Variants in GRK3 observed in about 807,000 individuals in gnomAD.
The protein encoded by GRK3 is adrenergic, beta, receptor kinase 2.
A neutral mutation model predicts 95.7 loss-of-function variants in GRK3; 54 were observed. That is an observed-to-expected ratio of 0.56 (90% CI 0.45 to 0.71). The LOEUF (loss-of-function observed/expected upper bound fraction) is 0.71. Ranked by LOEUF, GRK3 falls within the 30% of genes least tolerant of loss-of-function variation. The pLI, the probability that GRK3 is intolerant of heterozygous loss-of-function variation, is 0.00. For synonymous variants in GRK3, 281 were observed against 290.8 expected (o/e 0.97, Z 0.34); for missense variants, 649 against 851.2 (o/e 0.76, Z 2.96).
intron 10 of GRK3, 93 bp downstream of exon 10, chr22:25,685,341 G>A (rs2146430968): frequency 1.1e-6 from 1 of 930,454 alleles, no homozygotes; most frequent in Non-Finnish European, 1.8e-6. Flanking sequence ...TGGCAATGTG[G>A]GTCTTTCAGG....
At chr22:25,644,473 T>TTA in intron 2 of GRK3, 119 bp from the exon 3 acceptor site, 2 of 406,192 alleles carry the variant, frequency 4.9e-6, no homozygotes, top group Non-Finnish European at 8.8e-6. Context: ...ATCTTTTTTT[T>TTA]AAAAAAAAAA....
intron 1 of GRK3, among the ~76,000 whole-genome samples, chr22:25,586,060 T>C (rs9612994): frequency 0.17 from 17,113 of 102,314 alleles, 734 homozygotes; most frequent in Middle Eastern, 0.29. Flanking sequence ...CATAACAGAT[T>C]CTTAGCAAAT....
At position 25,606,040 on chromosome 22, in the gene GRK3, C is replaced by CG. The variant is rs2084443637; in HGVS notation, c.190+1587_190+1588insG. On this transcript the variant is annotated intron_variant, in intron 2 of 20. Coordinates refer to ENST00000324198, the MANE Select transcript of GRK3 (RefSeq NM_005160.4). ...CCCCGCAAACATACATACAGCCCCC[C>CG]AAACATGTATTTTCCATAGCCTGGA... Among the ~76,000 whole-genome samples, 9 of 126,860 alleles carry CG rather than the reference C, an allele frequency of 7.1e-5. No individual in the cohort carries two copies. The South Asian group carries it at 2.2e-3, about 31-fold the overall frequency. The allele number at this position is 126,860 out of a possible 152,430, so 83.2% of individuals were successfully genotyped here.
chr22:25,654,508 G>A (rs1009214168), intron 3 of GRK3, among the ~76,000 whole-genome samples: 2 of 152,110 alleles, frequency 1.3e-5, no homozygotes, highest in African/African-American at 2.4e-5. Context: ...ATGTAAAAAC[G>A]TAAGCTAAAT....
chr22:25,572,244 A>G (rs1252196572), intron 1 of GRK3, among the ~76,000 whole-genome samples: 1 of 152,044 alleles, frequency 6.6e-6, no homozygotes, highest in Non-Finnish European at 1.5e-5. Context: ...GATTTTCTTA[A>G]TCCATTCTAT....
chr22:25,637,371 A>T (rs575345117), intron 2 of GRK3, among the ~76,000 whole-genome samples: 5 of 152,282 alleles, frequency 3.3e-5, no homozygotes, highest in South Asian at 2.1e-4. Context: ...TTACTTGCTT[A>T]TATGTTTCTC....
rs1055283954 is a variant in GRK3 at position 25,709,782 on chromosome 22, A to G, written c.1329-116A>G. On this transcript the variant is annotated intron_variant, in intron 15 of 20. Transcript: ENST00000324198. ...AGGAAGCATATTTGTTTGCTTTCTT[A>G]AAGGAAAAAGTGGAAATACTTGCTC... 5 of 729,968 alleles carry G rather than the reference A, an allele frequency of 6.8e-6. No homozygotes were observed. The Admixed American group carries it at 1.2e-4, about 17-fold the overall frequency. 45.2% of individuals were successfully genotyped at this position (729,968 alleles called of 1,614,324 possible). A position where few individuals can be genotyped will look rare whatever the true frequency, so the allele number is the denominator to read the frequency against.
intron 3 of GRK3, among the ~76,000 whole-genome samples, chr22:25,653,880 G>T (rs756190650): frequency 9.2e-5 from 14 of 152,118 alleles, no homozygotes; most frequent in Non-Finnish European, 1.9e-4. Context: ...GTAGAGACGG[G>T]GTTTCACCAT....
At position 25,626,369 on chromosome 22, in the gene GRK3, G is replaced by A. The variant is rs148090581; in HGVS notation, c.191-18223G>A. Among the ~76,000 whole-genome samples the A allele has an allele frequency of 1.8e-3, 277 of 152,354 alleles. 2 individuals carry two copies. Among genetic ancestry groups the A allele is most frequent in the African/African-American group, 6.3e-3 (261 of 41,580 alleles). On this transcript the variant is annotated intron_variant, in intron 2 of 20. Transcript: ENST00000324198. ...TGGAAATAGAGGGATCCTTTGGGCA[G>A]CTGTTTTGAGTAGGGATCAGGGAAT...
At chr22:25,640,193 A>G (rs1195686571) in intron 2 of GRK3, among the ~76,000 whole-genome samples, 1 of 152,206 alleles carries the variant, frequency 6.6e-6, no homozygotes, top group African/African-American at 2.4e-5. Flanking sequence ...AATGTTGAAG[A>G]GGAGTGAGAT....
intron 2 of GRK3, among the ~76,000 whole-genome samples, chr22:25,642,399 C>T (rs1261964921): frequency 6.6e-6 from 1 of 152,170 alleles, no homozygotes; most frequent in African/African-American, 2.4e-5. Context: ...CGCCATTGCA[C>T]TCCAGCCTGG....
intron 13 of GRK3, among the ~76,000 whole-genome samples, chr22:25,700,957 C>A (rs563193423): frequency 9.9e-5 from 15 of 152,250 alleles, no homozygotes; most frequent in African/African-American, 3.6e-4. Flanking sequence ...CCATTGTTTG[C>A]CCATGAAAAT....
At position 25,721,034 on chromosome 22, in the gene GRK3, T is replaced by C. The variant is rs78294019; in HGVS notation, c.1792-250T>C. The stretch of plus-strand genomic sequence containing the variant: ...TCATCATTCAAAATCAGTTCTGTGT[T>C]GAGGGAACAGCTTTGCCGTTTTTCC... On this transcript the variant is annotated intron_variant, in intron 19 of 20. Transcript: ENST00000324198. 5.0e-3 allele frequency among the ~76,000 whole-genome samples: 756 copies of C among 152,338 alleles called. 23 individuals carry two copies. The East Asian group carries it at 0.064, about 13-fold the overall frequency.
rs2085490556 is a variant in GRK3, at chr22:25,728,310, CT to C, written c.*5861del. 6.6e-6 allele frequency: 1 copy of C among 152,250 alleles called. No individual in the cohort carries two copies. The highest frequency in any genetic ancestry group is 2.4e-5 in the African/African-American group (1 of 41,460). The allele number at this position is 152,250 out of a possible 1,614,324, so 9.4% of individuals were successfully genotyped here. Reference sequence around the variant, plus strand: ...GCTGTGAAATACTGCTTTCATCTACCTCTTCAGAAGGCTTCTTGCTTGTTGA... The same window carrying C: ...GCTGTGAAATACTGCTTTCATCTACCCTTCAGAAGGCTTCTTGCTTGTTGA... On this transcript the variant is annotated 3_prime_UTR_variant, in exon 21 of 21. Coordinates refer to ENST00000324198, the MANE Select transcript of GRK3 (RefSeq NM_005160.4).
At chr22:25,624,467 A>G (rs116990860) in intron 2 of GRK3, among the ~76,000 whole-genome samples, 3,397 of 152,186 alleles carry the variant, frequency 0.022, 59 homozygotes, top group Middle Eastern at 0.068. Context: ...GGGAGGCTGA[A>G]TCAGGAGAAT....
At position 25,709,978 on chromosome 22, in the gene GRK3, C is replaced by T. The variant is rs756140473; in HGVS notation, c.1395+14C>T. On this transcript the variant is annotated intron_variant, in intron 16 of 20. Transcript: ENST00000324198. Reference sequence around the variant, plus strand: ...TACTTACAAAAGGTACTCACTCCCTCTTGACTCTACTTACGGTACTGCCGC... The same window carrying T: ...TACTTACAAAAGGTACTCACTCCCTTTTGACTCTACTTACGGTACTGCCGC... 38 of 1,590,936 alleles carry T rather than the reference C, an allele frequency of 2.4e-5. No homozygotes were observed. Among genetic ancestry groups the T allele is most frequent in the Non-Finnish European group, 6.9e-6 (8 of 1,158,978 alleles).
chr22:25,690,404 A>G (rs1419427469), intron 12 of GRK3, 121 bp downstream of exon 12: 2 of 703,200 alleles, frequency 2.8e-6, no homozygotes, highest in South Asian at 1.8e-5. Context: ...AAGATCCAAC[A>G]TCACAGGTCG....
chr22:25,589,697 C>T (rs185793787), intron 1 of GRK3, among the ~76,000 whole-genome samples: 73 of 152,242 alleles, frequency 4.8e-4, no homozygotes, highest in Middle Eastern at 3.4e-3. Flanking sequence ...AGCCATCACT[C>T]GGCTTTCTCA....
rs1480506696 is a variant in GRK3 at position 25,678,844 on chromosome 22, A to G, written c.676A>G (p.Arg226Gly). ...MYAMKCLDKK[R>G]IKMKQGETLA... Reference sequence around the variant, plus strand: ...TGCAATGAAATGCTTAGATAAGAAGAGGATCAAAATGAAACAAGGAGAAAC... The same window carrying G: ...TGCAATGAAATGCTTAGATAAGAAGGGGATCAAAATGAAACAAGGAGAAAC... The change falls in exon 9 of 21, where the codon AGG (arginine) becomes GGG (glycine). Residue 226 changes from arginine to glycine, a missense_variant. By Grantham distance (125) the Arg-to-Gly change is moderately radical. Coordinates refer to ENST00000324198, the MANE Select transcript of GRK3 (RefSeq NM_005160.4). 6.2e-7 allele frequency: 1 copy of G among 1,606,970 alleles called. No individual in the cohort carries two copies. The highest frequency in any genetic ancestry group is 1.3e-5 in the African/African-American group (1 of 74,824).
Sources: gnomAD v4.1 joint callset for allele counts (sites outside exome capture counted in the v4.1 genomes callset) on GRCh38, gnomAD v4.1.1 for gene constraint, MANE v1.5 for transcripts, NCBI Gene and HGNC (gene_info 2026-07-23, HGNC 2026-07-21) for gene names.